GCNT2: variants seen among roughly 807,000 people sequenced by gnomAD.
The protein encoded by GCNT2 is N-acetyllactosaminide beta-1,6-N-acetylglucosaminyl-transferase.
A neutral mutation model predicts 34.2 loss-of-function variants in GCNT2; 34 were observed. The ratio of observed to expected loss-of-function variants is 1.00; its 90% confidence interval spans 0.76 to 1.32. The LOEUF is 1.32. Among genes scored for constraint, GCNT2 ranks in the 40% most tolerant of loss-of-function variants. GCNT2 has a pLI of 0.00. For missense variants in GCNT2, 584 were observed against 489.4 expected, an observed-to-expected ratio of 1.19 and a Z score of -1.82; for synonymous variants, 212 against 188.0, an observed-to-expected ratio of 1.13 and a Z score of -1.04.
At chr6:10,558,343 G>A (rs1162503275) in intron 3 of GCNT2, among the ~76,000 whole-genome samples, 1 of 152,174 alleles carries the variant, frequency 6.6e-6, no homozygotes, top group Non-Finnish European at 1.5e-5. Flanking sequence ...TGGCACCAGA[G>A]CTGTCTCCCT....
At chr6:10,562,554 C>T (rs1028692937) in intron 3 of GCNT2, among the ~76,000 whole-genome samples, 3 of 142,302 alleles carry the variant, frequency 2.1e-5, no homozygotes, top group African/African-American at 7.8e-5. Flanking sequence ...CCTGTCTCTA[C>T]AAAAAATAAA....
intron 3 of GCNT2, among the ~76,000 whole-genome samples, chr6:10,583,501 TC>T: frequency 6.6e-6 from 1 of 152,220 alleles, no homozygotes; most frequent in South Asian, 2.1e-4. Context: ...GTCCTTACCG[TC>T]CGCATCAATC....
intron 3 of GCNT2, among the ~76,000 whole-genome samples, chr6:10,605,881 A>G (rs2127431606): frequency 6.6e-6 from 1 of 152,224 alleles, no homozygotes; most frequent in East Asian, 1.9e-4. Flanking sequence ...GGCCAGCTCC[A>G]CTAGGGCTAG....
At chr6:10,606,936 TATTA>T (rs1253857260) in intron 3 of GCNT2, among the ~76,000 whole-genome samples, 1 of 151,886 alleles carries the variant, frequency 6.6e-6, no homozygotes, top group Non-Finnish European at 1.5e-5. Flanking sequence ...GTAATTTATT[TATTA>T]TTTATTTTTA....
At chr6:10,584,340 G>T (rs1227284136) in intron 3 of GCNT2, among the ~76,000 whole-genome samples, 1 of 152,180 alleles carries the variant, frequency 6.6e-6, no homozygotes, top group African/African-American at 2.4e-5. Flanking sequence ...CTGCCATGAT[G>T]TCTCACCTGT....
At chr6:10,622,966 G>T (rs1362195275) in intron 4 of GCNT2, among the ~76,000 whole-genome samples, 2 of 151,372 alleles carry the variant, frequency 1.3e-5, no homozygotes, top group Non-Finnish European at 2.9e-5. Context: ...TGTTGGCCAG[G>T]ATGGTCTCAG....
At chr6:10,543,299 G>A (rs750547413) in intron 3 of GCNT2, among the ~76,000 whole-genome samples, 121 of 148,438 alleles carry the variant, frequency 8.2e-4, no homozygotes, top group Non-Finnish European at 1.6e-3. Context: ...TGCAATTCTC[G>A]TGCCTCAGCC....
Position 10,527,098 on chromosome 6 carries a change from G to A in GCNT2, c.-468-376G>A, listed in dbSNP as rs554791596. ...CTGGAATTTCTCACTAATGTGATCA[G>A]GGAAGCAGGGAAATGAAAACTTGAG... is the stretch of plus-strand genomic sequence containing the variant. On this transcript the variant is annotated intron_variant, in intron 1 of 4. Transcript: ENST00000495262. 6.6e-5 allele frequency among the ~76,000 whole-genome samples: 10 copies of A among 152,210 alleles called. No individual in the cohort carries two copies. In the East Asian group the frequency reaches 1.7e-3, roughly 26 times the overall value.
At chr6:10,617,397 C>G (rs962032604) in intron 3 of GCNT2, among the ~76,000 whole-genome samples, 11 of 152,196 alleles carry the variant, frequency 7.2e-5, no homozygotes, top group African/African-American at 2.7e-4. Context: ...CGGCGCCTCT[C>G]TCTCCACACC....
At chr6:10,548,993 G>T (rs1021937420) in intron 3 of GCNT2, among the ~76,000 whole-genome samples, 1 of 152,186 alleles carries the variant, frequency 6.6e-6, no homozygotes, top group Non-Finnish European at 1.5e-5. Context: ...TCCTGACCTC[G>T]TGATCCACAC....
At chr6:10,578,572 G>A (rs929982279) in intron 3 of GCNT2, among the ~76,000 whole-genome samples, 6 of 146,884 alleles carry the variant, frequency 4.1e-5, no homozygotes, top group African/African-American at 1.0e-4. Context: ...TCAGCCTCCC[G>A]CGTAGGTGGG....
chr6:10,599,393 A>G (rs1250224841), intron 3 of GCNT2, among the ~76,000 whole-genome samples: 2 of 152,230 alleles, frequency 1.3e-5, no homozygotes, highest in East Asian at 3.8e-4. Context: ...CCTCAGTAAA[A>G]TATGTGGTGT....
chr6:10,543,824 CTG>C (rs1266476016), intron 3 of GCNT2, among the ~76,000 whole-genome samples: 5 of 152,214 alleles, frequency 3.3e-5, no homozygotes, highest in Admixed American at 3.3e-4. Context: ...GATATGGAGT[CTG>C]TATTACTTGC....
intron 3 of GCNT2, among the ~76,000 whole-genome samples, chr6:10,585,031 CAG>C (rs1491486750): frequency 7.2e-5 from 7 of 97,262 alleles, no homozygotes; most frequent in Admixed American, 1.1e-4. Flanking sequence ...TTCCCATAGT[CAG>C]TGTGTGTGTG....
intron 3 of GCNT2, among the ~76,000 whole-genome samples, chr6:10,553,376 C>G (rs1033254786): frequency 6.6e-6 from 1 of 152,234 alleles, no homozygotes; most frequent in Non-Finnish European, 1.5e-5. Flanking sequence ...ATGTAGCAAA[C>G]TCTCAGTGTC....
At chr6:10,527,053 C>A (rs1367906269) in intron 1 of GCNT2, among the ~76,000 whole-genome samples, 1 of 152,190 alleles carries the variant, frequency 6.6e-6, no homozygotes, top group Non-Finnish European at 1.5e-5. Flanking sequence ...AAATATATAT[C>A]TCCTACAAAT....
intron 1 of GCNT2, among the ~76,000 whole-genome samples, chr6:10,523,249 CA>C (rs1465231254): frequency 1.3e-5 from 2 of 151,888 alleles, no homozygotes; most frequent in African/African-American, 4.8e-5. Context: ...GGTGAAACCC[CA>C]TCTCTACTAA....
Position 10,528,632 on chromosome 6 carries a change from C to A in GCNT2, c.-280C>A. The A allele has an allele frequency of 2.0e-6, 1 of 489,988 alleles. No homozygotes were observed. Among genetic ancestry groups the A allele is most frequent in the Non-Finnish European group, 3.7e-6 (1 of 269,252 alleles). 30.4% of individuals were successfully genotyped at this position (489,988 alleles called of 1,614,324 possible). A position where few individuals can be genotyped will look rare whatever the true frequency, so the allele number is the denominator to read the frequency against. ...CTGAGGACATCTGTTTTTGTGTAGA[C>A]ACAGGTTGCAGGTTAGCAGGAGAAC... On this transcript the variant is annotated splice_region_variant and 5_prime_UTR_variant, in exon 3 of 5. Coordinates refer to ENST00000495262, the MANE Select transcript of GCNT2 (RefSeq NM_145649.5).
At chr6:10,588,893 G>C (rs908878764) in intron 3 of GCNT2, among the ~76,000 whole-genome samples, 1 of 147,982 alleles carries the variant, frequency 6.8e-6, no homozygotes, top group African/African-American at 2.5e-5. Context: ...TTTGTAGCGT[G>C]TGTGTTGTGT....
Sources: allele counts gnomAD v4.1 joint callset (sites outside exome capture counted in the v4.1 genomes callset), GRCh38; gene constraint gnomAD v4.1.1; transcripts MANE v1.5; gene names NCBI Gene and HGNC (gene_info 2026-07-23, HGNC 2026-07-21).